Variants in KCNC1 observed in about 807,000 individuals in gnomAD.
KCNC1 encodes the protein potassium voltage-gated channel subfamily C member 1.
KCNC1 carries 8 observed loss-of-function variants against 43.4 expected under a neutral mutation model. That is an observed-to-expected ratio of 0.18 (90% CI 0.11 to 0.33). The LOEUF is 0.33. KCNC1 is among the 10% of genes least tolerant of loss of function. The pLI is 1.00. For synonymous variants in KCNC1, 361 were observed against 360.5 expected (o/e 1.00, Z -0.01); for missense variants, 420 against 836.0 (o/e 0.50, Z 6.14).
rs1849294713 is a variant in KCNC1, at chr11:17,776,912, G to A, written c.1505-2544G>A. The A allele has an allele frequency of 1.0e-6, 1 of 985,334 alleles. No homozygotes were observed. Among genetic ancestry groups the A allele is most frequent in the African/African-American group, 1.7e-5 (1 of 57,238 alleles). The allele number at this position is 985,334 out of a possible 1,614,324, so 61.0% of individuals were successfully genotyped here. The stretch of plus-strand genomic sequence containing the variant: ...AGATAGACGAACAGCCCAGGGGCCT[G>A]GGCCCCTTCACAGAGCAAGACTTAA... On this transcript the variant is annotated intron_variant, in intron 2 of 3. Transcript: ENST00000265969. The surrounding 1 kb of genome is among the most constrained non-coding windows in gnomAD (Gnocchi z 4.4).
chr11:17,779,709 G>A lies in KCNC1; in HGVS notation c.1693+65G>A, dbSNP rs1849325940. On this transcript the variant is annotated intron_variant, in intron 3 of 3. Coordinates refer to ENST00000265969, the MANE Select transcript of KCNC1 (RefSeq NM_001112741.2). This position sits in a 1 kb window ranked among gnomAD's most constrained non-coding sequence, Gnocchi z 7.2. ...CGCCTCGCGCTCCTGCAGATGGGTG[G>A]GCAGGGCGGCGGGCAAGGGCGCTGA... is the stretch of plus-strand genomic sequence containing the variant. The A allele has an allele frequency of 2.6e-5, 35 of 1,325,786 alleles. No homozygotes were observed. The highest frequency in any genetic ancestry group is 3.5e-5 in the Non-Finnish European group (35 of 1,011,818). The allele number at this position is 1,325,786 out of a possible 1,614,324, so 82.1% of individuals were successfully genotyped here.
intron 1 of KCNC1, among the ~76,000 whole-genome samples, chr11:17,763,010 C>T (rs902021500): frequency 4.7e-5 from 7 of 150,162 alleles, no homozygotes; most frequent in Non-Finnish European, 7.5e-5. Flanking sequence ...AAAAAAGATA[C>T]GCATCTTGGG....
intron 1 of KCNC1, among the ~76,000 whole-genome samples, chr11:17,743,183 G>A (rs1029244935): frequency 2.6e-5 from 4 of 152,226 alleles, no homozygotes; most frequent in Admixed American, 1.3e-4. Context: ...CAAGGCTGCA[G>A]AGGCTCAATG....
chr11:17,749,911 C>T (rs1848946435), intron 1 of KCNC1, among the ~76,000 whole-genome samples: 1 of 152,228 alleles, frequency 6.6e-6, no homozygotes, highest in Non-Finnish European at 1.5e-5. Context: ...TCCGTCAGAC[C>T]AGAGGCAGAA....
rs1050543354 is a variant in KCNC1, at chr11:17,771,746, A to G, written c.652A>G (p.Ile218Val). Residue 218 changes from isoleucine (I) to valine (V), a missense_variant, in exon 2 of 4, where the codon ATC (isoleucine) becomes GTC (valine). Coordinates refer to ENST00000265969, the MANE Select transcript of KCNC1 (RefSeq NM_001112741.2). This position sits in a 1 kb window ranked among gnomAD's most constrained non-coding sequence, Gnocchi z 4.7. ...CLETHERFNP[I>V]VNKTEIENVR... is the part of the protein sequence containing the mutation. ...GGAGACCCACGAGCGCTTCAACCCCATCGTGAACAAGACGGAGATCGAGAA... is the reference window on the plus strand; with the variant it reads ...GGAGACCCACGAGCGCTTCAACCCCGTCGTGAACAAGACGGAGATCGAGAA... 1.9e-6 allele frequency: 3 copies of G among 1,614,030 alleles called. No individual in the cohort carries two copies. The highest frequency in any genetic ancestry group is 8.5e-7 in the Non-Finnish European group (1 of 1,180,008).
In KCNC1 at chr11:17,779,689, C is replaced by T. The variant is rs1479719036; in HGVS notation, c.1693+45C>T. The T allele has an allele frequency of 1.4e-5, 19 of 1,393,562 alleles. No individual in the cohort carries two copies. Among genetic ancestry groups the T allele is most frequent in the South Asian group, 5.0e-5 (3 of 60,484 alleles). 86.3% of individuals were successfully genotyped at this position (1,393,562 alleles called of 1,614,324 possible). A position where few individuals can be genotyped will look rare whatever the true frequency, so the allele number is the denominator to read the frequency against. On this transcript the variant is annotated intron_variant, in intron 3 of 3. Transcript: ENST00000265969. This position sits in a 1 kb window ranked among gnomAD's most constrained non-coding sequence, Gnocchi z 7.2. Reference sequence around the variant, plus strand: ...GCACCGTGCATCGTCCGGGCCGCCTCGCGCTCCTGCAGATGGGTGGGCAGG... The same window carrying T: ...GCACCGTGCATCGTCCGGGCCGCCTTGCGCTCCTGCAGATGGGTGGGCAGG...
Position 17,779,133 on chromosome 11 carries a change from T to G in KCNC1, c.1505-323T>G. Reference sequence around the variant, plus strand: ...ATGACTGCATCCACACCATCCTGTTTCATCGGCCCTGCTTGGGGCCCGGGG... The same window carrying G: ...ATGACTGCATCCACACCATCCTGTTGCATCGGCCCTGCTTGGGGCCCGGGG... On this transcript the variant is annotated intron_variant, in intron 2 of 3. Transcript: ENST00000265969. The surrounding 1 kb of genome is among the most constrained non-coding windows in gnomAD (Gnocchi z 7.2). 8.3e-6 allele frequency: 2 copies of G among 239,654 alleles called. No homozygotes were observed. Among genetic ancestry groups the G allele is most frequent in the African/African-American group, 2.2e-5 (1 of 44,594 alleles). The allele number at this position is 239,654 out of a possible 1,614,324, so 14.8% of individuals were successfully genotyped here.
At position 17,781,936 on chromosome 11, in the gene KCNC1, T is replaced by C; in HGVS notation, c.*202T>C. On this transcript the variant is annotated 3_prime_UTR_variant, in exon 4 of 4. Coordinates refer to ENST00000265969, the MANE Select transcript of KCNC1 (RefSeq NM_001112741.2). This position sits in a 1 kb window ranked among gnomAD's most constrained non-coding sequence, Gnocchi z 5.1. ...CGTAGAGGATTTCTTTTCCTTCTTT[T>C]CATTTTTTAAAATTTTATTTTATTT... 1 of 464,064 alleles carries C rather than the reference T, an allele frequency of 2.2e-6. No individual in the cohort carries two copies. Among genetic ancestry groups the C allele is most frequent in the Non-Finnish European group, 3.8e-6 (1 of 264,036 alleles). 28.7% of individuals were successfully genotyped at this position (464,064 alleles called of 1,614,324 possible).
chr11:17,771,527 G>T lies in KCNC1; in HGVS notation c.571-138G>T. 1.3e-6 allele frequency: 1 copy of T among 755,756 alleles called. No homozygotes were observed. The highest frequency in any genetic ancestry group is 2.2e-6 in the Non-Finnish European group (1 of 456,850). 46.8% of individuals were successfully genotyped at this position (755,756 alleles called of 1,614,324 possible). On this transcript the variant is annotated intron_variant, in intron 1 of 3. Coordinates refer to ENST00000265969, the MANE Select transcript of KCNC1 (RefSeq NM_001112741.2). This position sits in a 1 kb window ranked among gnomAD's most constrained non-coding sequence, Gnocchi z 4.7. ...GTCGTGCAGGCCCCCTGTGCCCTGA[G>T]GAGGGAAATGTAGCACGTGCTGCAG... is the stretch of plus-strand genomic sequence containing the variant.
chr11:17,766,665 G>T (rs1849153862), intron 1 of KCNC1, among the ~76,000 whole-genome samples: 1 of 152,172 alleles, frequency 6.6e-6, no homozygotes, highest in Admixed American at 6.5e-5. Context: ...GATGTGGCTG[G>T]CTCCAGCATT....
At chr11:17,769,762 G>A (rs1342002571) in intron 1 of KCNC1, among the ~76,000 whole-genome samples, 1 of 151,480 alleles carries the variant, frequency 6.6e-6, no homozygotes. Context: ...AGGAAGGAAG[G>A]CTGCATATGG....
rs1849249072 is a variant in KCNC1, at chr11:17,773,071, T to C, written c.1504+473T>C. 1 of 1,005,546 alleles carries C rather than the reference T, an allele frequency of 9.9e-7. No individual in the cohort carries two copies. The highest frequency in any genetic ancestry group is 1.2e-6 in the Non-Finnish European group (1 of 842,846). 62.3% of individuals were successfully genotyped at this position (1,005,546 alleles called of 1,614,324 possible). On this transcript the variant is annotated intron_variant, in intron 2 of 3. Transcript: ENST00000265969. This position sits in a 1 kb window ranked among gnomAD's most constrained non-coding sequence, Gnocchi z 4.1. ...CTGTGTAGATGGCAGAGATGGTGCA[T>C]GGGATCTGGGCAGGAGGGTCCCTTG...
chr11:17,769,853 G>A (rs1348743803), intron 1 of KCNC1, among the ~76,000 whole-genome samples: 2 of 152,138 alleles, frequency 1.3e-5, no homozygotes, highest in African/African-American at 2.4e-5. Flanking sequence ...GTAGTGTCCC[G>A]TTGGCATAGC....
intron 1 of KCNC1, among the ~76,000 whole-genome samples, chr11:17,753,995 C>T (rs755987006): frequency 5.1e-4 from 78 of 152,234 alleles, no homozygotes; most frequent in Non-Finnish European, 1.0e-3. Flanking sequence ...TCTGCCCTCT[C>T]TCTGGAAAGG....
intron 1 of KCNC1, among the ~76,000 whole-genome samples, chr11:17,755,455 T>TA (rs1220143884): frequency 1.3e-5 from 2 of 152,158 alleles, no homozygotes; most frequent in Admixed American, 1.3e-4. Flanking sequence ...ACTGGTCTAT[T>TA]ACCATGACCC....
chr11:17,744,922 AC>A (rs1848880728), intron 1 of KCNC1, among the ~76,000 whole-genome samples: 1 of 152,018 alleles, frequency 6.6e-6, no homozygotes, highest in South Asian at 2.1e-4. Context: ...ACCCCTCAGC[AC>A]AGCTGAGGCC....
At chr11:17,757,779 C>T (rs1032656016) in intron 1 of KCNC1, among the ~76,000 whole-genome samples, 1 of 152,150 alleles carries the variant, frequency 6.6e-6, no homozygotes, top group African/African-American at 2.4e-5. Context: ...TAAAAATGTA[C>T]ATATCTTAAT....
rs1337161514 is a variant in KCNC1 at position 17,771,708 on chromosome 11, C to T, written c.614C>T (p.Thr205Ile). ...ASLFFILVSI[T>I]TFCLETHERF... is the part of the protein sequence containing the mutation. Reference sequence around the variant, plus strand: ...CTCTTCTTCATCCTGGTCTCCATCACCACCTTCTGCCTGGAGACCCACGAG... The same window carrying T: ...CTCTTCTTCATCCTGGTCTCCATCATCACCTTCTGCCTGGAGACCCACGAG... The change falls in exon 2 of 4, where the codon ACC (threonine) becomes ATC (isoleucine). Residue 205 changes from threonine (T) to isoleucine (I), a missense_variant. By Grantham distance (89) the Thr-to-Ile change is moderately conservative. Coordinates refer to ENST00000265969, the MANE Select transcript of KCNC1 (RefSeq NM_001112741.2). The surrounding 1 kb of genome is among the most constrained non-coding windows in gnomAD (Gnocchi z 4.7). 1 of 1,612,738 alleles carries T rather than the reference C, an allele frequency of 6.2e-7. No individual in the cohort carries two copies. Among genetic ancestry groups the T allele is most frequent in the Admixed American group, 1.7e-5 (1 of 60,010 alleles).
At chr11:17,744,667 G>T (rs868654347) in intron 1 of KCNC1, among the ~76,000 whole-genome samples, 7 of 152,172 alleles carry the variant, frequency 4.6e-5, no homozygotes, top group Non-Finnish European at 7.4e-5. Context: ...GGGGTCTGGA[G>T]CAGGGGCAGT....
Sources: allele counts gnomAD v4.1 joint callset (sites outside exome capture counted in the v4.1 genomes callset), GRCh38; gene constraint gnomAD v4.1.1; non-coding constraint Gnocchi (gnomAD v3.1); transcripts MANE v1.5; gene names NCBI Gene and HGNC (gene_info 2026-07-23, HGNC 2026-07-21).